SLC35F2: variants seen among roughly 807,000 people sequenced by gnomAD.
SLC35F2 encodes the protein queuine/queuosine transporter SLC35F2.
SLC35F2 carries 25 observed loss-of-function variants against 38.1 expected under a neutral mutation model. That is an observed-to-expected ratio of 0.66 (90% CI 0.48 to 0.92). The LOEUF is 0.92. Ranked by LOEUF, SLC35F2 falls within the 40% of genes least tolerant of loss-of-function variation. SLC35F2 has a pLI of 0.00. For synonymous variants in SLC35F2, 173 were observed against 181.7 expected (o/e 0.95, Z 0.38); for missense variants, 409 against 452.9 (o/e 0.90, Z 0.88).
intron 7 of SLC35F2, among the ~76,000 whole-genome samples, chr11:107,793,606 C>T (rs372961082): frequency 6.6e-6 from 1 of 152,136 alleles, no homozygotes. Flanking sequence ...AAATTTAATA[C>T]ATTATCTTGT....
intron 7 of SLC35F2, among the ~76,000 whole-genome samples, chr11:107,794,112 G>A (rs1591182161): frequency 7.5e-6 from 1 of 133,096 alleles, no homozygotes; most frequent in South Asian, 2.3e-4. Flanking sequence ...ACAGAGTTTT[G>A]CTCTGTCTCC....
chr11:107,857,020 CCAGGAAGGAAGGAAGG>C (rs1273592237), intron 1 of SLC35F2, among the ~76,000 whole-genome samples: 3 of 136,306 alleles, frequency 2.2e-5, no homozygotes, highest in Non-Finnish European at 4.7e-5. Flanking sequence ...AGTGACTTGT[CCAGGAAGGAAGGAAGG>C]CAGGAAGGAA....
At chr11:107,823,610 C>T (rs148306608) in intron 1 of SLC35F2, among the ~76,000 whole-genome samples, 6 of 152,050 alleles carry the variant, frequency 3.9e-5, no homozygotes, top group African/African-American at 9.7e-5. Flanking sequence ...TAAATTATAT[C>T]GGAAGCATGT....
intron 1 of SLC35F2, among the ~76,000 whole-genome samples, chr11:107,856,979 G>A (rs533637726): frequency 6.9e-4 from 104 of 149,708 alleles, no homozygotes; most frequent in African/African-American, 2.5e-3. Flanking sequence ...GTCCAAGAAG[G>A]AAGGGAGGGA....
intron 1 of SLC35F2, among the ~76,000 whole-genome samples, chr11:107,841,095 AC>A (rs1223087051): frequency 2.6e-5 from 4 of 152,186 alleles, no homozygotes; most frequent in African/African-American, 9.7e-5. Flanking sequence ...TTCAACTTCC[AC>A]TACCACACAA....
chr11:107,802,216 C>T (rs1168257872), intron 7 of SLC35F2, among the ~76,000 whole-genome samples: 1 of 131,492 alleles, frequency 7.6e-6, no homozygotes, highest in Admixed American at 8.0e-5. Context: ...CCAGCCTGGG[C>T]AACAGAGTGA....
At position 107,803,109 on chromosome 11, in the gene SLC35F2, G is replaced by A. The variant is rs760962245; in HGVS notation, c.831C>T (p.Ser277=). 1 of 1,613,754 alleles carries A rather than the reference G, an allele frequency of 6.2e-7. No homozygotes were observed. Among genetic ancestry groups the A allele is most frequent in the East Asian group, 2.2e-5 (1 of 44,838 alleles). The change falls in exon 7 of 8, where the codon AGC becomes AGT. Residue 277 remains serine (S), a synonymous_variant. Transcript: ENST00000525815. ...TGACTTTAATCACCAATGGCATGAA[G>A]CTGTACAGGCAAAACATACACAGGG... is the stretch of plus-strand genomic sequence containing the variant. The part of the protein sequence containing the change: ...AFALCMFCLY[S]FMPLVIKVTS...
At chr11:107,843,871 ATAT>A (rs1860059536) in intron 1 of SLC35F2, among the ~76,000 whole-genome samples, 14 of 39,700 alleles carry the variant, frequency 3.5e-4, no homozygotes, top group African/African-American at 1.6e-3. Context: ...AAAAAAAAAT[ATAT>A]ATATATATAT....
chr11:107,802,898 A>C (rs1859333339), intron 7 of SLC35F2, 103 bp downstream of exon 7: 1 of 1,153,958 alleles, frequency 8.7e-7, no homozygotes, highest in African/African-American at 1.7e-5. Flanking sequence ...TCTTGCCAAG[A>C]AGATGAGAAG....
chr11:107,829,664 C>T (rs536987952), intron 1 of SLC35F2, among the ~76,000 whole-genome samples: 1 of 142,746 alleles, frequency 7.0e-6, no homozygotes, highest in African/African-American at 2.7e-5. Flanking sequence ...TACATAATAC[C>T]TATGAAATCT....
intron 1 of SLC35F2, among the ~76,000 whole-genome samples, chr11:107,818,994 G>C (rs372491227): frequency 6.6e-6 from 1 of 152,108 alleles, no homozygotes; most frequent in Non-Finnish European, 1.5e-5. Context: ...AAAGTGGGGG[G>C]GTGGTTATAG....
chr11:107,847,071 G>C (rs1860113361), intron 1 of SLC35F2, among the ~76,000 whole-genome samples: 1 of 152,066 alleles, frequency 6.6e-6, no homozygotes. Flanking sequence ...TTCTTTTACA[G>C]ATAGGGACTT....
intron 3 of SLC35F2, among the ~76,000 whole-genome samples, chr11:107,807,199 C>T (rs1368501997): frequency 1.4e-5 from 2 of 144,604 alleles, no homozygotes; most frequent in East Asian, 4.1e-4. Context: ...CTTTGGGAGG[C>T]TGTGGCGGGC....
chr11:107,837,907 A>ACCCC (rs1859956681), intron 1 of SLC35F2, among the ~76,000 whole-genome samples: 2 of 112,578 alleles, frequency 1.8e-5, no homozygotes, highest in Non-Finnish European at 3.6e-5. Context: ...CCACCCACCC[A>ACCCC]CCCCCACCTT....
intron 1 of SLC35F2, among the ~76,000 whole-genome samples, chr11:107,845,354 G>C (rs985899224): frequency 6.6e-6 from 1 of 152,008 alleles, no homozygotes; most frequent in Non-Finnish European, 1.5e-5. Context: ...AAGGCGGGCA[G>C]ATCATCTGAG....
In SLC35F2 at chr11:107,806,796, G is replaced by T; in HGVS notation, c.495C>A (p.Phe165Leu). The change falls in exon 4 of 8, where the codon TTC becomes TTA. Residue 165 changes from phenylalanine to leucine, a missense_variant. Coordinates refer to ENST00000525815, the MANE Select transcript of SLC35F2 (RefSeq NM_017515.5). The part of the protein sequence containing the change: ...ILHARYRVIH[F>L]IAVAVCLLGV... Reference sequence around the variant, plus strand: ...CCAACAGACAGACAGCCACGGCGATGAAGTGGATCACTCTGTATCTTGCAT... The same window carrying T: ...CCAACAGACAGACAGCCACGGCGATTAAGTGGATCACTCTGTATCTTGCAT... 1 of 1,614,086 alleles carries T rather than the reference G, an allele frequency of 6.2e-7. No homozygotes were observed. The highest frequency in any genetic ancestry group is 8.5e-7 in the Non-Finnish European group (1 of 1,179,938).
chr11:107,794,888 G>A (rs923479649), intron 7 of SLC35F2, among the ~76,000 whole-genome samples: 1 of 152,154 alleles, frequency 6.6e-6, no homozygotes, highest in African/African-American at 2.4e-5. Context: ...ATAAAAATCA[G>A]TAGCCTTTCT....
chr11:107,848,101 A>G (rs1860125845), intron 1 of SLC35F2, among the ~76,000 whole-genome samples: 1 of 152,220 alleles, frequency 6.6e-6, no homozygotes, highest in African/African-American at 2.4e-5. Context: ...GGGATAATAA[A>G]CAAGTTCTGG....
chr11:107,820,184 G>A (rs991573858), intron 1 of SLC35F2, among the ~76,000 whole-genome samples: 1 of 150,684 alleles, frequency 6.6e-6, no homozygotes, highest in Admixed American at 6.6e-5. Flanking sequence ...GAACCTGAGA[G>A]GCAGAGGTTC....
Sources: gnomAD v4.1 joint callset for allele counts (sites outside exome capture counted in the v4.1 genomes callset) on GRCh38, gnomAD v4.1.1 for gene constraint, MANE v1.5 for transcripts, NCBI Gene and HGNC (gene_info 2026-07-23, HGNC 2026-07-21) for gene names.